The following MED12L variants were observed in gnomAD, a reference collection of about 807,000 sequenced individuals.
The protein encoded by MED12L is mediator complex subunit 12L, also known as mediator of RNA polymerase II transcription subunit 12-like protein.
MED12L carries 60 observed loss-of-function variants against 281.3 expected under a neutral mutation model. The observed-to-expected ratio is 0.21, with a 90% CI of 0.17 to 0.26. The LOEUF is 0.26. MED12L is among the 10% of genes least tolerant of loss of function. The probability of loss-of-function intolerance (pLI) is 1.00; values close to 1 mark genes in which losing one functional copy is unlikely to be tolerated. For synonymous variants in MED12L, 974 were observed against 987.2 expected (o/e 0.99, Z 0.25); for missense variants, 2,146 against 2,680.9 (o/e 0.80, Z 4.41).
chr3:151,382,565 A>G lies in MED12L; in HGVS notation c.4591-91A>G, dbSNP rs144767797. On this transcript the variant is annotated intron_variant, in intron 32 of 44. Coordinates refer to ENST00000687756, the MANE Select transcript of MED12L (RefSeq NM_001393769.1). ...TGTTTGTTAATTTGTTAAAGATAAGAAGTGGTTTTTTGCTATCAGTATAAA... is the reference window on the plus strand; with the variant it reads ...TGTTTGTTAATTTGTTAAAGATAAGGAGTGGTTTTTTGCTATCAGTATAAA... 782 of 699,654 alleles carry G rather than the reference A, an allele frequency of 1.1e-3. 3 individuals carry two copies. In the African/African-American group the frequency reaches 0.014, roughly 12 times the overall value. The allele number at this position is 699,654 out of a possible 1,614,324, so 43.3% of individuals were successfully genotyped here. A position where few individuals can be genotyped will look rare whatever the true frequency, so the allele number is the denominator to read the frequency against.
Position 151,385,152 on chromosome 3 carries a change from A to G in MED12L, c.5049A>G (p.Gly1683=), listed in dbSNP as rs1713114900. 1 of 1,599,472 alleles carries G rather than the reference A, an allele frequency of 6.3e-7. No homozygotes were observed. Among genetic ancestry groups the G allele is most frequent in the Non-Finnish European group, 8.5e-7 (1 of 1,173,248 alleles). Residue 1683 remains glycine, a synonymous_variant, in exon 36 of 45, where the codon GGA becomes GGG. Transcript: ENST00000687756. ...TGGGTTCCTTGATTGACACAAAAGG[A>G]AACAAAATTGCTGGATTTGACTCTA... ...EPMGSLIDTK[G]NKIAGFDSID...
intron 16 of MED12L, among the ~76,000 whole-genome samples, chr3:151,290,505 G>C (rs770970310): frequency 1.3e-5 from 2 of 151,968 alleles, no homozygotes; most frequent in African/African-American, 2.4e-5. Flanking sequence ...TCCCTATTCA[G>C]TTCTAATGAT....
chr3:151,262,786 A>G (rs1010053333), intron 16 of MED12L, among the ~76,000 whole-genome samples: 1 of 152,172 alleles, frequency 6.6e-6, no homozygotes, highest in Admixed American at 6.5e-5. Context: ...ATTGTATGCC[A>G]GATACTGTTC....
intron 16 of MED12L, among the ~76,000 whole-genome samples, chr3:151,250,379 AG>A (rs1204061645): frequency 5.9e-5 from 9 of 152,214 alleles, no homozygotes; most frequent in African/African-American, 2.2e-4. Context: ...ATGCATCTCT[AG>A]AACTGTTTTC....
chr3:151,118,393 G>A (rs1713203230), intron 3 of MED12L, among the ~76,000 whole-genome samples: 1 of 152,104 alleles, frequency 6.6e-6, no homozygotes, highest in Non-Finnish European at 1.5e-5. Flanking sequence ...CAGTGTGAAA[G>A]AACATAGAAA....
intron 16 of MED12L, among the ~76,000 whole-genome samples, chr3:151,237,071 C>T (rs1477908043): frequency 2.4e-4 from 31 of 129,234 alleles, no homozygotes; most frequent in Admixed American, 6.8e-4. Context: ...TTTTTTGAGA[C>T]GGAATCTCGC....
At chr3:151,413,427 G>T in intron 42 of MED12L, 132 bp downstream of exon 42, 1 of 1,094,402 alleles carries the variant, frequency 9.1e-7, no homozygotes, top group Non-Finnish European at 1.3e-6. Flanking sequence ...TTGATGCTAG[G>T]AGCTACATTG....
At chr3:151,250,435 C>G (rs980432393) in intron 16 of MED12L, among the ~76,000 whole-genome samples, 1 of 152,126 alleles carries the variant, frequency 6.6e-6, no homozygotes, top group African/African-American at 2.4e-5. Context: ...AATAATTCTC[C>G]ATTTATCCTT....
chr3:151,244,727 C>A (rs1218192389), intron 16 of MED12L, among the ~76,000 whole-genome samples: 4 of 151,674 alleles, frequency 2.6e-5, no homozygotes, highest in Non-Finnish European at 5.9e-5. Context: ...CAAGAGCAAA[C>A]ACATTCAAAA....
Position 151,270,196 on chromosome 3 carries a change from C to CATGTGTGTGTGTGT in MED12L, c.2250+76530_2250+76531insATGTGTGTGTGTGT, listed in dbSNP as rs71621430. 4 of 129,646 alleles carry CATGTGTGTGTGTGT rather than the reference C, an allele frequency of 3.1e-5. No individual in the cohort carries two copies. In the Admixed American group the frequency reaches 3.5e-4, roughly 11 times the overall value. 8.0% of individuals were successfully genotyped at this position (129,646 alleles called of 1,614,324 possible). A position where few individuals can be genotyped will look rare whatever the true frequency, so the allele number is the denominator to read the frequency against. ...TCTCCAGTTCCTGGGAGCAAGCTGT[C>CATGTGTGTGTGTGT]GTGTGTGTGTGTGTGTGTGTGTGTG... On this transcript the variant is annotated intron_variant, in intron 16 of 44. Transcript: ENST00000687756.
chr3:151,368,200 T>G lies in MED12L; in HGVS notation c.3499T>G (p.Leu1167Val). The G allele has an allele frequency of 6.2e-7, 1 of 1,614,102 alleles. No individual in the cohort carries two copies. The highest frequency in any genetic ancestry group is 1.1e-5 in the South Asian group (1 of 91,084). The change falls in exon 25 of 45, where the codon TTG (leucine) becomes GTG (valine). Residue 1167 changes from leucine to valine, a missense_variant. Physicochemically the swap from Leu to Val is conservative, Grantham distance 32. Coordinates refer to ENST00000687756, the MANE Select transcript of MED12L (RefSeq NM_001393769.1). ...TGGGGCGAGAATGACATGCCGACTC[T>G]TGCTTCATCTCTTCCGAGCTCCCCA... is the stretch of plus-strand genomic sequence containing the variant. Reference protein sequence around the residue: ...EPGARMTCRLLLHLFRAPQAC... With the variant: ...EPGARMTCRLVLHLFRAPQAC...
At chr3:151,187,754 G>A (rs2149083560) in intron 12 of MED12L, among the ~76,000 whole-genome samples, 1 of 152,298 alleles carries the variant, frequency 6.6e-6, no homozygotes, top group Non-Finnish European at 1.5e-5. Flanking sequence ...AAAGAATATT[G>A]TTAGGGGAAT....
At chr3:151,250,399 A>G (rs1736606384) in intron 16 of MED12L, among the ~76,000 whole-genome samples, 1 of 152,200 alleles carries the variant, frequency 6.6e-6, no homozygotes, top group African/African-American at 2.4e-5. Context: ...TCATCTTGCA[A>G]AACTAAAATT....
Position 151,432,346 on chromosome 3 carries a change from T to C in MED12L, c.6491-406T>C, listed in dbSNP as rs182320895. On this transcript the variant is annotated intron_variant, in intron 44 of 44. Coordinates refer to ENST00000687756, the MANE Select transcript of MED12L (RefSeq NM_001393769.1). ...ATACCTTATGGCTATTTGCAGAAAATTGCCCAGTTCCAATCTAATTTTTTC... is the reference window on the plus strand; with the variant it reads ...ATACCTTATGGCTATTTGCAGAAAACTGCCCAGTTCCAATCTAATTTTTTC... Among the ~76,000 whole-genome samples the C allele has an allele frequency of 9.2e-4, 140 of 152,332 alleles. 1 individual carries two copies. Among genetic ancestry groups the C allele is most frequent in the African/African-American group, 3.0e-3 (125 of 41,572 alleles).
rs529762750 is a variant in MED12L, at chr3:151,214,022, C to T, written c.2250+20356C>T. On this transcript the variant is annotated intron_variant, in intron 16 of 44. Coordinates refer to ENST00000687756, the MANE Select transcript of MED12L (RefSeq NM_001393769.1). Reference sequence around the variant, plus strand: ...ACGTACATGTTGACGTAGAAGAGCACGGCAGAGACCCTGCACACAAACACG... The same window carrying T: ...ACGTACATGTTGACGTAGAAGAGCATGGCAGAGACCCTGCACACAAACACG... 1.6e-5 allele frequency: 26 copies of T among 1,614,082 alleles called. No homozygotes were observed. The Admixed American group carries it at 2.0e-4, about 12-fold the overall frequency.
rs548921418 is a variant in MED12L, at chr3:151,131,538, T to C, written c.556+3554T>C. ...GAGGGGATAGCTTGAGTCTAGGAAG[T>C]TGAGGCTGCAGTGAGCTGGGATTGA... On this transcript the variant is annotated intron_variant, in intron 5 of 44. Coordinates refer to ENST00000687756, the MANE Select transcript of MED12L (RefSeq NM_001393769.1). Among the ~76,000 whole-genome samples, 4 of 152,238 alleles carry C rather than the reference T, an allele frequency of 2.6e-5. No homozygotes were observed. The East Asian group carries it at 7.7e-4, about 29-fold the overall frequency.
At chr3:151,165,541 C>T (rs377019404) in intron 10 of MED12L, 22 bp downstream of exon 10, 52 of 1,575,608 alleles carry the variant, frequency 3.3e-5, no homozygotes, top group South Asian at 2.6e-4. Context: ...CACAGAGGAA[C>T]GAGTGCTTTT....
At chr3:151,406,184 C>G (rs1451113661) in intron 39 of MED12L, among the ~76,000 whole-genome samples, 1 of 152,172 alleles carries the variant, frequency 6.6e-6, no homozygotes, top group African/African-American at 2.4e-5. Flanking sequence ...TGTGGCCAAA[C>G]CCATGCCTAC....
At chr3:151,393,757 TA>T (rs1487456075) in intron 38 of MED12L, among the ~76,000 whole-genome samples, 1 of 152,218 alleles carries the variant, frequency 6.6e-6, no homozygotes, top group Non-Finnish European at 1.5e-5. Context: ...CACAACTTCA[TA>T]AATTGTATTG....
Sources: allele counts gnomAD v4.1 joint callset (sites outside exome capture counted in the v4.1 genomes callset), GRCh38; gene constraint gnomAD v4.1.1; transcripts MANE v1.5; gene names NCBI Gene and HGNC (gene_info 2026-07-23, HGNC 2026-07-21).